Variants in ADAM23 observed in about 807,000 individuals in gnomAD.
The protein encoded by ADAM23 is ADAM metallopeptidase domain 23, also known as disintegrin and metalloproteinase domain-containing protein 23.
A neutral mutation model predicts 120.1 loss-of-function variants in ADAM23; 33 were observed. The observed-to-expected ratio is 0.27, with a 90% confidence interval of 0.21 to 0.37. The LOEUF (loss-of-function observed/expected upper bound fraction) is 0.37, where lower values mean the gene tolerates loss of function less well. Among genes scored for constraint, ADAM23 ranks in the 10% least tolerant of loss-of-function variants. The pLI is 1.00. For missense variants in ADAM23, 862 were observed against 1,058.2 expected, an observed-to-expected ratio of 0.81 and a Z score of 2.57; for synonymous variants, 367 against 375.2, an observed-to-expected ratio of 0.98 and a Z score of 0.25.
At chr2:206,557,541 T>A (rs1225100780) in intron 10 of ADAM23, 43 bp downstream of exon 10, 3 of 1,508,202 alleles carry the variant, frequency 2.0e-6, no homozygotes, top group East Asian at 4.5e-5. Context: ...CAAGATGGAA[T>A]GGTTTATCTC....
intron 3 of ADAM23, among the ~76,000 whole-genome samples, chr2:206,503,715 T>A (rs1453395791): frequency 6.6e-6 from 1 of 152,160 alleles, no homozygotes; most frequent in Non-Finnish European, 1.5e-5. Flanking sequence ...CCAGTAATAA[T>A]CAGTTTCTTC....
intron 18 of ADAM23, among the ~76,000 whole-genome samples, chr2:206,584,637 C>T (rs890027022): frequency 6.6e-6 from 1 of 152,124 alleles, no homozygotes; most frequent in East Asian, 1.9e-4. Flanking sequence ...TGAGCTCAGA[C>T]ACGCCTAGTC....
intron 24 of ADAM23, among the ~76,000 whole-genome samples, chr2:206,605,196 G>A (rs1427550250): frequency 6.6e-6 from 1 of 152,140 alleles, no homozygotes; most frequent in African/African-American, 2.4e-5. Context: ...ATCCACTTGA[G>A]ACTACTAATA....
chr2:206,618,584 C>G lies in ADAM23; in HGVS notation c.*957C>G, dbSNP rs1287304798. ...TCTCTTTCTCTGTCTCTGTCCTTCT[C>G]TCTTGTAACGTGTTATACAATGACT... On this transcript the variant is annotated 3_prime_UTR_variant, in exon 26 of 26. Transcript: ENST00000264377. 6.6e-6 allele frequency: 1 copy of G among 152,100 alleles called. No individual in the cohort carries two copies. The highest frequency in any genetic ancestry group is 1.5e-5 in the Non-Finnish European group (1 of 68,028). The allele number at this position is 152,100 out of a possible 1,614,324, so 9.4% of individuals were successfully genotyped here. A position where few individuals can be genotyped will look rare whatever the true frequency, so the allele number is the denominator to read the frequency against.
chr2:206,602,481 T>C (rs1698656796), intron 24 of ADAM23, among the ~76,000 whole-genome samples: 1 of 152,218 alleles, frequency 6.6e-6, no homozygotes, highest in Non-Finnish European at 1.5e-5. Flanking sequence ...GTATTTACTT[T>C]TCTTGTCTTG....
intron 3 of ADAM23, among the ~76,000 whole-genome samples, chr2:206,498,360 A>G (rs1696305147): frequency 6.6e-6 from 1 of 152,194 alleles, no homozygotes; most frequent in South Asian, 2.1e-4. Context: ...ATCTACAACT[A>G]TCTGATCTTT....
In ADAM23 at chr2:206,477,907, T is replaced by TATAC. The variant is rs1156737900; in HGVS notation, c.433-3322_433-3321insCATA. ...AAAAAAAAAAAAAAAAATATATATA[T>TATAC]ATATATATATATATAAAACAACAAT... On this transcript the variant is annotated intron_variant, in intron 2 of 25. Coordinates refer to ENST00000264377, the MANE Select transcript of ADAM23 (RefSeq NM_003812.4). Among the ~76,000 whole-genome samples the TATAC allele has an allele frequency of 2.9e-5, 4 of 139,002 alleles. 1 individual carries two copies. Among genetic ancestry groups the TATAC allele is most frequent in the African/African-American group, 8.4e-5 (3 of 35,744 alleles). 91.2% of individuals were successfully genotyped at this position (139,002 alleles called of 152,430 possible). A position where few individuals can be genotyped will look rare whatever the true frequency, so the allele number is the denominator to read the frequency against.
intron 3 of ADAM23, among the ~76,000 whole-genome samples, chr2:206,502,540 A>G (rs1368931389): frequency 6.6e-6 from 1 of 151,972 alleles, no homozygotes; most frequent in Non-Finnish European, 1.5e-5. Context: ...TCTAAGTGAT[A>G]CTCCTTGGGT....
intron 24 of ADAM23, among the ~76,000 whole-genome samples, chr2:206,599,616 A>C (rs1237398947): frequency 4.6e-5 from 7 of 152,204 alleles, no homozygotes; most frequent in Admixed American, 1.3e-4. Context: ...CAAGTGAGAA[A>C]TTATGTGCTT....
intron 4 of ADAM23, among the ~76,000 whole-genome samples, chr2:206,535,008 C>G (rs921519649): frequency 4.7e-5 from 7 of 150,532 alleles, no homozygotes; most frequent in Non-Finnish European, 1.0e-4. Context: ...AGAGTACATT[C>G]TCTCCACCTT....
intron 2 of ADAM23, among the ~76,000 whole-genome samples, chr2:206,447,236 G>A (rs1014691102): frequency 1.3e-5 from 2 of 152,174 alleles, no homozygotes; most frequent in African/African-American, 2.4e-5. Context: ...TGTACCCACC[G>A]CTTACCTAGA....
chr2:206,444,153 G>C (rs751855892), intron 1 of ADAM23, 73 bp downstream of exon 1: 44 of 1,153,098 alleles, frequency 3.8e-5, no homozygotes, highest in Non-Finnish European at 4.7e-5. Flanking sequence ...GGGCGCGCGG[G>C]TCCGTGTGCT....
chr2:206,607,004 T>A (rs1698741091), intron 24 of ADAM23: 2 of 152,142 alleles, frequency 1.3e-5, no homozygotes, highest in Admixed American at 1.3e-4. Flanking sequence ...AAATGGGTGC[T>A]CCTCTTACAC....
chr2:206,613,553 C>G (rs1275659452), intron 25 of ADAM23, among the ~76,000 whole-genome samples: 2 of 152,120 alleles, frequency 1.3e-5, no homozygotes, highest in Non-Finnish European at 1.5e-5. Context: ...CTGTTCTTCC[C>G]CATCACCCAC....
chr2:206,606,912 G>A (rs1041083204), intron 24 of ADAM23, among the ~76,000 whole-genome samples: 1 of 152,136 alleles, frequency 6.6e-6, no homozygotes, highest in Non-Finnish European at 1.5e-5. Flanking sequence ...GGAATCACTA[G>A]ATATCTTTGA....
At position 206,560,163 on chromosome 2, in the gene ADAM23, T is replaced by C. The variant is rs1249616512; in HGVS notation, c.1169+45T>C. The C allele has an allele frequency of 2.6e-6, 4 of 1,544,746 alleles. No individual in the cohort carries two copies. In the African/African-American group the frequency reaches 5.5e-5, roughly 21 times the overall value. On this transcript the variant is annotated intron_variant, in intron 11 of 25. Coordinates refer to ENST00000264377, the MANE Select transcript of ADAM23 (RefSeq NM_003812.4). Reference sequence around the variant, plus strand: ...TTTAGTGTAGTCTTTGGTCTGACATTTATCCTTATCCCTTTTTTGGTTCAG... The same window carrying C: ...TTTAGTGTAGTCTTTGGTCTGACATCTATCCTTATCCCTTTTTTGGTTCAG...
At chr2:206,459,427 A>G (rs995867218) in intron 2 of ADAM23, among the ~76,000 whole-genome samples, 1 of 152,210 alleles carries the variant, frequency 6.6e-6, no homozygotes, top group South Asian at 2.1e-4. Context: ...CCCAAATAGT[A>G]TATTTATGAA....
At chr2:206,508,437 C>G (rs1456790170) in intron 3 of ADAM23, among the ~76,000 whole-genome samples, 1 of 151,964 alleles carries the variant, frequency 6.6e-6, no homozygotes. Context: ...GAGCGGATCA[C>G]CTGAGGTCAG....
At position 206,484,701 on chromosome 2, in the gene ADAM23, G is replaced by T. The variant is rs190986489; in HGVS notation, c.509+3393G>T. 1.8e-4 allele frequency among the ~76,000 whole-genome samples: 28 copies of T among 152,254 alleles called. No individual in the cohort carries two copies. In the East Asian group the frequency reaches 5.2e-3, roughly 28 times the overall value. ...GAAAACTAACTGCAGTGAGAGAGAGGCCATGAGAGCTGCACTCAAGTGCTA... is the reference window on the plus strand; with the variant it reads ...GAAAACTAACTGCAGTGAGAGAGAGTCCATGAGAGCTGCACTCAAGTGCTA... On this transcript the variant is annotated intron_variant, in intron 3 of 25. Transcript: ENST00000264377.
Sources: gnomAD v4.1 joint callset for allele counts (sites outside exome capture counted in the v4.1 genomes callset) on GRCh38, gnomAD v4.1.1 for gene constraint, MANE v1.5 for transcripts, NCBI Gene and HGNC (gene_info 2026-07-23, HGNC 2026-07-21) for gene names.